Variants in TRPS1 observed in about 807,000 individuals in gnomAD.
TRPS1 encodes the protein transcriptional repressor GATA binding 1.
TRPS1 carries 6 observed loss-of-function variants against 101.2 expected under a neutral mutation model. That is an observed-to-expected ratio of 0.06 (90% confidence interval 0.03 to 0.12). The LOEUF (loss-of-function observed/expected upper bound fraction) is 0.12. TRPS1 is among the 10% of genes least tolerant of loss of function. The pLI is 1.00. For synonymous variants in TRPS1, 578 were observed against 589.8 expected (o/e 0.98, Z 0.29); for missense variants, 1,363 against 1,567.0 (o/e 0.87, Z 2.20).
At chr8:115,427,390 A>T (rs745975008) in intron 5 of TRPS1, among the ~76,000 whole-genome samples, 1 of 152,186 alleles carries the variant, frequency 6.6e-6, no homozygotes, top group African/African-American at 2.4e-5. Context: ...ATCATTGCAC[A>T]TATGTTTGCA....
At chr8:115,585,261 G>A (rs954635979) in intron 5 of TRPS1, among the ~76,000 whole-genome samples, 1 of 152,176 alleles carries the variant, frequency 6.6e-6, no homozygotes, top group African/African-American at 2.4e-5. Flanking sequence ...TTTTAGAAAA[G>A]TATTAACATC....
At chr8:115,527,250 A>C (rs543381161) in intron 5 of TRPS1, among the ~76,000 whole-genome samples, 1 of 152,074 alleles carries the variant, frequency 6.6e-6, no homozygotes, top group Admixed American at 6.6e-5. Flanking sequence ...TTATTCTCTA[A>C]GCTCTAATCT....
chr8:115,489,541 TAAAG>T (rs1191894616), intron 5 of TRPS1, among the ~76,000 whole-genome samples: 1 of 152,192 alleles, frequency 6.6e-6, no homozygotes, highest in Non-Finnish European at 1.5e-5. Context: ...AAACATTAAT[TAAAG>T]AGTGTACATT....
At chr8:115,492,214 T>C (rs1313591892) in intron 5 of TRPS1, 2 of 456,058 alleles carry the variant, frequency 4.4e-6, no homozygotes, top group South Asian at 1.5e-5. Context: ...GGGGTGACAG[T>C]GCTCTTGGTT....
intron 5 of TRPS1, among the ~76,000 whole-genome samples, chr8:115,478,678 C>T (rs1814666872): frequency 6.6e-6 from 1 of 151,776 alleles, no homozygotes; most frequent in South Asian, 2.1e-4. Flanking sequence ...GTGGCAGGTG[C>T]CTGTAATCCC....
chr8:115,647,658 C>T lies in TRPS1; in HGVS notation c.-122+20887G>A, dbSNP rs150064674. Among the ~76,000 whole-genome samples, 735 of 152,250 alleles carry T rather than the reference C, an allele frequency of 4.8e-3. 3 individuals are homozygous for T. Among genetic ancestry groups the T allele is most frequent in the African/African-American group, 0.017 (701 of 41,548 alleles). ...TTCAAAATATCAGAAACACTTTAAG[C>T]AGCTCCTTGAAAACGCTATATGACA... On this transcript the variant is annotated intron_variant, in intron 1 of 6. Transcript: ENST00000395715.
intron 1 of TRPS1, among the ~76,000 whole-genome samples, chr8:115,639,804 G>A (rs985458616): frequency 2.0e-5 from 3 of 152,202 alleles, no homozygotes; most frequent in African/African-American, 7.2e-5. Flanking sequence ...ACTCCAGCTT[G>A]GGGAACAGAG....
At chr8:115,627,542 T>A (rs1020531717) in intron 1 of TRPS1, among the ~76,000 whole-genome samples, 17 of 151,958 alleles carry the variant, frequency 1.1e-4, no homozygotes, top group African/African-American at 4.1e-4. Flanking sequence ...TCTATTTATC[T>A]TGATGGTTAT....
At chr8:115,455,363 T>C (rs557955740) in intron 5 of TRPS1, among the ~76,000 whole-genome samples, 1 of 152,344 alleles carries the variant, frequency 6.6e-6, no homozygotes, top group Admixed American at 6.5e-5. Context: ...TATTACCTAA[T>C]AATGGAAGCT....
At chr8:115,484,667 C>G (rs1814835170) in intron 5 of TRPS1, among the ~76,000 whole-genome samples, 1 of 152,108 alleles carries the variant, frequency 6.6e-6, no homozygotes, top group Admixed American at 6.6e-5. Flanking sequence ...GGAAATCACA[C>G]CAATTAATGT....
chr8:115,536,804 T>C (rs924368671), intron 5 of TRPS1, among the ~76,000 whole-genome samples: 2 of 151,640 alleles, frequency 1.3e-5, no homozygotes, highest in African/African-American at 4.8e-5. Flanking sequence ...TTTTGTTTTT[T>C]TTTTCCCTCT....
At chr8:115,553,741 C>G (rs2358019) in intron 5 of TRPS1, among the ~76,000 whole-genome samples, 100,621 of 151,952 alleles carry the variant, frequency 0.66, 34,071 homozygotes, top group East Asian at 0.83. Flanking sequence ...TAGAAACTTT[C>G]ATTGCTCTTC....
chr8:115,436,423 A>G (rs1813455640), intron 5 of TRPS1, among the ~76,000 whole-genome samples: 1 of 152,166 alleles, frequency 6.6e-6, no homozygotes, highest in Non-Finnish European at 1.5e-5. Flanking sequence ...GGTCAAACCA[A>G]TGTCCTCAAA....
chr8:115,453,429 G>T (rs1415106371), intron 5 of TRPS1, among the ~76,000 whole-genome samples: 1 of 152,172 alleles, frequency 6.6e-6, no homozygotes, highest in Non-Finnish European at 1.5e-5. Context: ...GTGAATCCAT[G>T]TCTCAATGTG....
chr8:115,605,916 T>C (rs1414990470), intron 3 of TRPS1, among the ~76,000 whole-genome samples: 4 of 152,192 alleles, frequency 2.6e-5, no homozygotes, highest in African/African-American at 4.8e-5. Flanking sequence ...TGCACCTCAA[T>C]AGGCAGTACA....
intron 5 of TRPS1, among the ~76,000 whole-genome samples, chr8:115,487,979 C>T (rs947880877): frequency 1.3e-5 from 2 of 152,070 alleles, no homozygotes; most frequent in Admixed American, 6.6e-5. Context: ...GCATTGCATA[C>T]TACAGGAAAT....
chr8:115,521,967 T>C (rs868462708), intron 5 of TRPS1, among the ~76,000 whole-genome samples: 5 of 151,954 alleles, frequency 3.3e-5, no homozygotes, highest in South Asian at 2.1e-4. Flanking sequence ...AAACGTATTA[T>C]AAACGTTTAC....
In TRPS1 at chr8:115,414,367, T is replaced by C; in HGVS notation, c.3541A>G (p.Ile1181Val). 1 of 1,613,934 alleles carries C rather than the reference T, an allele frequency of 6.2e-7. No individual in the cohort carries two copies. The highest frequency in any genetic ancestry group is 1.3e-5 in the African/African-American group (1 of 75,028). ...GTTGGCCCAGGTCTGGAATGCTTGA[T>C]CGCCAAATCTAGAGGAATGTCATTG... ...SDNDIPLDLA[I>V]KHSRPGPTAN... is the part of the protein sequence containing the mutation. Residue 1181 changes from isoleucine to valine, a missense_variant, in exon 7 of 7, where the codon ATC (isoleucine) becomes GTC (valine). Ile to Val is a conservative substitution (Grantham distance 29, BLOSUM62 3). Coordinates refer to ENST00000395715, the MANE Select transcript of TRPS1 (RefSeq NM_014112.5). This position sits in a 1 kb window ranked among gnomAD's most constrained non-coding sequence, Gnocchi z 4.8.
intron 5 of TRPS1, among the ~76,000 whole-genome samples, chr8:115,493,229 T>C (rs1157665929): frequency 6.6e-6 from 1 of 152,194 alleles, no homozygotes; most frequent in Non-Finnish European, 1.5e-5. Context: ...AATAAGCCAC[T>C]AGCTTTTAAC....
Sources: gnomAD v4.1 joint callset for allele counts (sites outside exome capture counted in the v4.1 genomes callset) on GRCh38, gnomAD v4.1.1 for gene constraint, Gnocchi (gnomAD v3.1) non-coding constraint, MANE v1.5 for transcripts, NCBI Gene and HGNC (gene_info 2026-07-23, HGNC 2026-07-21) for gene names.